The following LHPP variants were observed in gnomAD, a reference collection of about 807,000 sequenced individuals.
LHPP encodes the protein hLHPP.
A neutral mutation model predicts 30.3 loss-of-function variants in LHPP; 24 were observed. The ratio of observed to expected loss-of-function variants is 0.79; its 90% CI spans 0.57 to 1.11. LHPP has a LOEUF of 1.11. Among genes scored for constraint, LHPP ranks in the 50% most tolerant of loss-of-function variants. The probability of loss-of-function intolerance (pLI) is 0.00; values close to 1 mark genes in which losing one functional copy is unlikely to be tolerated. For synonymous variants in LHPP, 150 were observed against 157.1 expected (o/e 0.95, Z 0.34); for missense variants, 356 against 367.2 (o/e 0.97, Z 0.25).
chr10:124,537,218 A>T (rs1423545660), intron 6 of LHPP, among the ~76,000 whole-genome samples: 1 of 152,196 alleles, frequency 6.6e-6, no homozygotes, highest in Non-Finnish European at 1.5e-5. Context: ...TCACTCGCCC[A>T]GTCTCCCTGC....
At chr10:124,599,356 G>A (rs911484666) in intron 6 of LHPP, among the ~76,000 whole-genome samples, 1 of 152,134 alleles carries the variant, frequency 6.6e-6, no homozygotes, top group Non-Finnish European at 1.5e-5. Flanking sequence ...AATCTCCATC[G>A]TAGCCCCAGG....
chr10:124,606,867 GCCTGTTACAGGCCCCTGC>G (rs934231347), intron 6 of LHPP, among the ~76,000 whole-genome samples: 3 of 152,334 alleles, frequency 2.0e-5, no homozygotes, highest in African/African-American at 7.2e-5. Flanking sequence ...GCCCTTCCCT[GCCTGTTACAGGCCCCTGC>G]CCCTGTTCCT....
At position 124,593,523 on chromosome 10, in the gene LHPP, G is replaced by A. The variant is rs991944560; in HGVS notation, c.717-19741G>A. ...CACTGGGGTCCTTGTTCTAGCCCCC[G>A]TGTGTTGGCTGCATGACCCGAACTT... On this transcript the variant is annotated intron_variant, in intron 6 of 6. Coordinates refer to ENST00000368842, the MANE Select transcript of LHPP (RefSeq NM_022126.4). The surrounding 1 kb of genome is among the most constrained non-coding windows in gnomAD (Gnocchi z 4.9). Among the ~76,000 whole-genome samples the A allele has an allele frequency of 1.3e-5, 2 of 152,168 alleles. No individual in the cohort carries two copies. Among genetic ancestry groups the A allele is most frequent in the Non-Finnish European group, 1.5e-5 (1 of 68,016 alleles).
At chr10:124,509,989 C>T (rs994264350) in intron 5 of LHPP, among the ~76,000 whole-genome samples, 7 of 152,086 alleles carry the variant, frequency 4.6e-5, no homozygotes, top group East Asian at 3.9e-4. Flanking sequence ...CAGGCAGATG[C>T]GTAAGAGGGA....
chr10:124,552,471 T>TC (rs1948187366), intron 6 of LHPP, among the ~76,000 whole-genome samples: 1 of 151,410 alleles, frequency 6.6e-6, no homozygotes, highest in Non-Finnish European at 1.5e-5. Context: ...CACCTGCCCC[T>TC]CCCCCAGACA....
intron 1 of LHPP, among the ~76,000 whole-genome samples, chr10:124,483,098 G>A (rs1953194323): frequency 1.3e-5 from 2 of 151,986 alleles, no homozygotes; most frequent in South Asian, 2.1e-4. Context: ...TATGAAGTCA[G>A]GAGGGAAGAA....
intron 5 of LHPP, among the ~76,000 whole-genome samples, chr10:124,500,502 A>G (rs1953866915): frequency 6.6e-6 from 1 of 151,924 alleles, no homozygotes; most frequent in Non-Finnish European, 1.5e-5. Context: ...GATAATAATA[A>G]ATTTACTTAT....
chr10:124,490,402 C>A (rs541662398), intron 3 of LHPP: 4 of 330,222 alleles, frequency 1.2e-5, no homozygotes, highest in South Asian at 1.2e-4. Context: ...CAGGCAAACT[C>A]CTTCCTGCAA....
At chr10:124,507,157 G>GCA (rs746557488) in intron 5 of LHPP, among the ~76,000 whole-genome samples, 2 of 85,766 alleles carry the variant, frequency 2.3e-5, no homozygotes, top group Non-Finnish European at 4.5e-5. Flanking sequence ...GATTTCAGGT[G>GCA]GGAGGGTAGG....
intron 1 of LHPP, among the ~76,000 whole-genome samples, chr10:124,465,206 C>T (rs1196761033): frequency 1.3e-5 from 2 of 151,946 alleles, no homozygotes; most frequent in African/African-American, 2.4e-5. Context: ...GCGGAGGAAG[C>T]GCATTCCAGG....
chr10:124,557,110 G>A (rs972666257), intron 6 of LHPP, among the ~76,000 whole-genome samples: 8 of 152,158 alleles, frequency 5.3e-5, no homozygotes, highest in African/African-American at 1.9e-4. Context: ...TGGAGTCCAC[G>A]CGGACCAGGG....
rs142546932 is a variant in LHPP at position 124,523,072 on chromosome 10, T to C, written c.716+5801T>C. Among the ~76,000 whole-genome samples the C allele has an allele frequency of 4.0e-3, 612 of 152,334 alleles. 2 individuals carry two copies. The highest frequency in any genetic ancestry group is 0.013 in the African/African-American group (538 of 41,578). On this transcript the variant is annotated intron_variant, in intron 6 of 6. Transcript: ENST00000368842. This position sits in a 1 kb window ranked among gnomAD's most constrained non-coding sequence, Gnocchi z 4.2. ...GCCACCACCCAGTCAAAGGCGCCAC[T>C]GCCTGGGAAGCCCCTGCGCTAGTCC...
intron 6 of LHPP, among the ~76,000 whole-genome samples, chr10:124,603,785 C>T (rs1355740993): frequency 6.6e-6 from 1 of 152,170 alleles, no homozygotes; most frequent in African/African-American, 2.4e-5. Flanking sequence ...GGAGGGTCCC[C>T]ACGCTGGGCT....
intron 3 of LHPP, chr10:124,490,518 T>C: frequency 2.8e-6 from 1 of 362,338 alleles, no homozygotes; most frequent in South Asian, 2.7e-5. Flanking sequence ...TTGGCTACCG[T>C]GACTCCCTCC....
intron 6 of LHPP, among the ~76,000 whole-genome samples, chr10:124,542,928 C>T (rs1379147504): frequency 1.3e-5 from 2 of 152,192 alleles, no homozygotes; most frequent in Non-Finnish European, 2.9e-5. Context: ...TCTCCCCGGT[C>T]CCTGCCTGCC....
intron 6 of LHPP, among the ~76,000 whole-genome samples, chr10:124,544,195 C>T (rs955786960): frequency 9.2e-5 from 14 of 151,780 alleles, no homozygotes; most frequent in South Asian, 2.1e-4. Flanking sequence ...GTGCCTCACC[C>T]GGCATCACCC....
chr10:124,483,656 C>T (rs1475571650), intron 1 of LHPP, among the ~76,000 whole-genome samples: 1 of 152,154 alleles, frequency 6.6e-6, no homozygotes, highest in African/African-American at 2.4e-5. Context: ...GCTCTGGAGG[C>T]TGAGGCAGGA....
rs1484179256 is a variant in LHPP at position 124,517,011 on chromosome 10, A to G, written c.625-169A>G. Among the ~76,000 whole-genome samples, 1 of 152,208 alleles carries G rather than the reference A, an allele frequency of 6.6e-6. No individual in the cohort carries two copies. The highest frequency in any genetic ancestry group is 1.9e-4 in the East Asian group (1 of 5,200). On this transcript the variant is annotated intron_variant, in intron 5 of 6. Coordinates refer to ENST00000368842, the MANE Select transcript of LHPP (RefSeq NM_022126.4). The surrounding 1 kb of genome is among the most constrained non-coding windows in gnomAD (Gnocchi z 4.1). ...ACGGGGGCAGTGTGAGATATATTCA[A>G]GGTGGGTTGACTTTTAATCAATACG... is the stretch of plus-strand genomic sequence containing the variant.
At chr10:124,554,594 G>A (rs1948257629) in intron 6 of LHPP, among the ~76,000 whole-genome samples, 1 of 152,230 alleles carries the variant, frequency 6.6e-6, no homozygotes, top group South Asian at 2.1e-4. Flanking sequence ...TAATGCTGCT[G>A]CTGCTGTCCT....
Sources: gnomAD v4.1 joint callset for allele counts (sites outside exome capture counted in the v4.1 genomes callset) on GRCh38, gnomAD v4.1.1 for gene constraint, Gnocchi (gnomAD v3.1) non-coding constraint, MANE v1.5 for transcripts, NCBI Gene and HGNC (gene_info 2026-07-23, HGNC 2026-07-21) for gene names.